Variants in CRLF2 observed in about 807,000 individuals in gnomAD.
CRLF2 encodes the protein cytokine receptor like factor 2, also known as cytokine receptor-like factor 2.
Under a neutral mutation model 38.7 loss-of-function variants are expected in CRLF2, and 41 were observed. The ratio of observed to expected loss-of-function variants is 1.06; its 90% CI spans 0.83 to 1.37. CRLF2 has a LOEUF of 1.37. CRLF2 is among the 40% of genes most tolerant of loss of function. The probability of loss-of-function intolerance (pLI) is 0.00; values close to 1 mark genes in which losing one functional copy is unlikely to be tolerated. For missense variants in CRLF2, 377 were observed against 322.2 expected (o/e 1.17, Z -1.30); for synonymous variants, 140 against 128.8 (o/e 1.09, Z -0.59).
At chrX:1,197,958 C>T (rs1445946845) in intron 5 of CRLF2, among the ~76,000 whole-genome samples, 21 of 151,986 alleles carry the variant, frequency 1.4e-4, no homozygotes, top group East Asian at 5.8e-4. Context: ...GCCGAGATCG[C>T]GCCACTGCAC....
chrX:1,199,964 G>A (rs2086570437), intron 4 of CRLF2, among the ~76,000 whole-genome samples: 1 of 142,340 alleles, frequency 7.0e-6, no homozygotes, highest in African/African-American at 2.7e-5. Context: ...TATAAGCTGT[G>A]TATATTAGGT....
chrX:1,205,559 G>A (rs1352132542), intron 3 of CRLF2, among the ~76,000 whole-genome samples: 1 of 152,078 alleles, frequency 6.6e-6, no homozygotes, highest in Non-Finnish European at 1.5e-5. Context: ...TAAGCTGAAG[G>A]AAATACTGAA....
intron 6 of CRLF2, among the ~76,000 whole-genome samples, 177 bp downstream of exon 6, chrX:1,196,603 G>A (rs1345086553): frequency 6.6e-6 from 1 of 151,962 alleles, no homozygotes; most frequent in Admixed American, 6.6e-5. Flanking sequence ...TGACAGGTGT[G>A]AGCCACCATG....
At chrX:1,191,534 A>AT (rs2086380817) in intron 7 of CRLF2, among the ~76,000 whole-genome samples, 14 of 144,234 alleles carry the variant, frequency 9.7e-5, no homozygotes, top group African/African-American at 3.0e-4. Flanking sequence ...ACCAAAAATA[A>AT]ATTTTTTTTT....
intron 1 of CRLF2, 36 bp from the exon 2 acceptor site, chrX:1,208,944 G>T: frequency 1.8e-6 from 2 of 1,127,710 alleles, no homozygotes; most frequent in African/African-American, 1.6e-5. Context: ...TCACGGTGAG[G>T]CAACTCTATT....
Position 1,210,059 on chromosome X carries a change from G to A in CRLF2, c.80-1151C>T, listed in dbSNP as rs191905464. Among the ~76,000 whole-genome samples, 424 of 148,056 alleles carry A rather than the reference G, an allele frequency of 2.9e-3. 1 individual carries two copies. The highest frequency in any genetic ancestry group is 5.2e-3 in the Non-Finnish European group (351 of 67,406). ...GCAGAGGTTGTAGTGAACCGAGATC[G>A]TGTCACTGCACTCCAGCCTGGGTGA... is the stretch of plus-strand genomic sequence containing the variant. On this transcript the variant is annotated intron_variant, in intron 1 of 7. Coordinates refer to ENST00000400841, the MANE Select transcript of CRLF2 (RefSeq NM_022148.4).
chrX:1,196,602 T>A (rs1467689437), intron 6 of CRLF2, among the ~76,000 whole-genome samples, 178 bp downstream of exon 6: 1 of 152,028 alleles, frequency 6.6e-6, no homozygotes, highest in Non-Finnish European at 1.5e-5. Flanking sequence ...ATGACAGGTG[T>A]GAGCCACCAT....
Position 1,202,482 on chromosome X carries a change from T to C in CRLF2, c.403A>G (p.Thr135Ala). ...VRFSWHQDAV[T>A]VTCSDLSYGD... ...TAGGACAGGTCAGAACACGTCACCG[T>C]CACTGCATCCTGATGCCACGAAAAT... The change falls in exon 4 of 8, where the codon ACG (threonine) becomes GCG (alanine). Residue 135 changes from threonine to alanine, a missense_variant. By Grantham distance (58) the Thr-to-Ala change is moderately conservative. Coordinates refer to ENST00000400841, the MANE Select transcript of CRLF2 (RefSeq NM_022148.4). The C allele has an allele frequency of 6.2e-7, 1 of 1,613,690 alleles. No individual in the cohort carries two copies. Among genetic ancestry groups the C allele is most frequent in the Non-Finnish European group, 8.5e-7 (1 of 1,179,664 alleles).
chrX:1,206,355 A>G (rs1202356981), intron 3 of CRLF2, 78 bp downstream of exon 3: 1 of 1,291,040 alleles, frequency 7.7e-7, no homozygotes, highest in African/African-American at 1.5e-5. Context: ...GATTTGCATG[A>G]GCTTGGTTTT....
intron 7 of CRLF2, among the ~76,000 whole-genome samples, chrX:1,192,707 C>CTTT (rs1318151880): frequency 6.6e-5 from 6 of 90,608 alleles, no homozygotes; most frequent in Admixed American, 5.1e-4. Context: ...CTTTTCTTTT[C>CTTT]TTTTCTTTCT....
intron 7 of CRLF2, among the ~76,000 whole-genome samples, chrX:1,192,523 G>C (rs1418314993): frequency 1.3e-5 from 2 of 152,014 alleles, no homozygotes; most frequent in Admixed American, 6.6e-5. Context: ...GGCTGAGGCA[G>C]GAGAATCATT....
rs756493083 is a variant in CRLF2 at position 1,197,480 on chromosome X, C to T, written c.647-580G>A. On this transcript the variant is annotated intron_variant, in intron 5 of 7. Transcript: ENST00000400841. ...TTTACAGCATATGAGAGCTTGCTTT[C>T]GTGTGTTGGTGGCTGTGCTCCTTAA... Among the ~76,000 whole-genome samples, 963 of 152,058 alleles carry T rather than the reference C, an allele frequency of 6.3e-3. 3 individuals are homozygous for T. The highest frequency in any genetic ancestry group is 0.012 in the Non-Finnish European group (792 of 67,990).
chrX:1,211,257 G>GTGGGTGGATGGATGGA, intron 1 of CRLF2, among the ~76,000 whole-genome samples: 1 of 107,774 alleles, frequency 9.3e-6, no homozygotes, highest in Admixed American at 9.1e-5. Context: ...GGATGGATGG[G>GTGGGTGGATGGATGGA]TGGATGGATG....
chrX:1,193,151 T>C (rs1413552013), intron 7 of CRLF2, 67 bp downstream of exon 7: 3 of 397,468 alleles, frequency 7.5e-6, no homozygotes, highest in Non-Finnish European at 1.3e-5. Flanking sequence ...CTCAGAGAGA[T>C]AGGAATGCAG....
intron 4 of CRLF2, among the ~76,000 whole-genome samples, chrX:1,200,072 A>G (rs1339724661): frequency 4.7e-5 from 7 of 150,480 alleles, no homozygotes; most frequent in Non-Finnish European, 8.9e-5. Context: ...GTGTGTATAT[A>G]TGTGTATATG....
intron 7 of CRLF2, among the ~76,000 whole-genome samples, chrX:1,191,576 G>A (rs1376518927): frequency 6.6e-6 from 1 of 150,742 alleles, no homozygotes; most frequent in Non-Finnish European, 1.5e-5. Context: ...TTGTTTCCCA[G>A]GCTGGAGTGC....
chrX:1,204,387 C>A (rs1274821540), intron 3 of CRLF2, among the ~76,000 whole-genome samples: 1 of 151,810 alleles, frequency 6.6e-6, no homozygotes, highest in African/African-American at 2.4e-5. Context: ...CACCACCAAG[C>A]CCGGCTAATT....
intron 1 of CRLF2, among the ~76,000 whole-genome samples, chrX:1,209,892 A>G (rs1221660427): frequency 6.6e-6 from 1 of 151,784 alleles, no homozygotes; most frequent in Non-Finnish European, 1.5e-5. Context: ...ACCCGAGGTC[A>G]GGAGTTCGAG....
Position 1,202,411 on chromosome X carries a change from G to T in CRLF2, c.474C>A (p.Thr158=). Residue 158 remains threonine (T), a synonymous_variant, in exon 4 of 8, where the codon ACC becomes ACA. Coordinates refer to ENST00000400841, the MANE Select transcript of CRLF2 (RefSeq NM_022148.4). The part of the protein sequence containing the change: ...YEVQYRSPFD[T]EWQSKQENTC... ...CGGCCGCCCGGCTCACCTGCCACTC[G>T]GTGTCGAAGGGGCTCCGGTACTGAA... 6.2e-7 allele frequency: 1 copy of T among 1,613,572 alleles called. No individual in the cohort carries two copies. Among genetic ancestry groups the T allele is most frequent in the Non-Finnish European group, 8.5e-7 (1 of 1,179,586 alleles).
Sources: gnomAD v4.1 joint callset for allele counts (sites outside exome capture counted in the v4.1 genomes callset) on GRCh38, gnomAD v4.1.1 for gene constraint, MANE v1.5 for transcripts, NCBI Gene and HGNC (gene_info 2026-07-23, HGNC 2026-07-21) for gene names.